ADGRG6: variants seen among roughly 807,000 people sequenced by gnomAD.
ADGRG6 encodes the protein adhesion G protein-coupled receptor G6, also known as G-protein coupled receptor 126.
In ADGRG6, 84 loss-of-function variants were observed where a neutral mutation model predicts 142.4. The ratio of observed to expected loss-of-function variants is 0.59; its 90% CI spans 0.49 to 0.71. The LOEUF (loss-of-function observed/expected upper bound fraction) is 0.71. Ranked by LOEUF, ADGRG6 falls within the 30% of genes least tolerant of loss-of-function variation. ADGRG6 has a pLI of 0.00. For missense variants in ADGRG6, 1,367 were observed against 1,466.6 expected, an observed-to-expected ratio of 0.93 and a Z score of 1.11; for synonymous variants, 521 against 520.5, an observed-to-expected ratio of 1.00 and a Z score of -0.01.
intron 14 of ADGRG6, among the ~76,000 whole-genome samples, chr6:142,404,832 T>G (rs1775715287): frequency 6.6e-6 from 1 of 152,122 alleles, no homozygotes; most frequent in African/African-American, 2.4e-5. Context: ...TGTAGAAGTC[T>G]GGGATAGCAG....
intron 2 of ADGRG6, among the ~76,000 whole-genome samples, chr6:142,363,860 T>A (rs1195680934): frequency 6.6e-6 from 1 of 152,208 alleles, no homozygotes; most frequent in Non-Finnish European, 1.5e-5. Flanking sequence ...ATACTCTTTA[T>A]TAAAATGTTT....
At chr6:142,341,522 T>TTATATAGTATATATAGTATATAA in intron 2 of ADGRG6, among the ~76,000 whole-genome samples, 1 of 118,178 alleles carries the variant, frequency 8.5e-6, no homozygotes, top group Non-Finnish European at 1.7e-5. Flanking sequence ...CTACATAATA[T>TTATATAGTATATATAGTATATAA]TATATAGTAT....
intron 1 of ADGRG6, among the ~76,000 whole-genome samples, chr6:142,306,843 TC>T (rs1343361127): frequency 1.3e-5 from 2 of 152,158 alleles, no homozygotes; most frequent in African/African-American, 4.8e-5. Flanking sequence ...TCTGTTCTAT[TC>T]TTAATTTATT....
In ADGRG6 at chr6:142,402,643, CA is replaced by C; in HGVS notation, c.1769del (p.Gln590ArgfsTer3). On this transcript the variant is annotated frameshift_variant, in exon 13 of 25. Coordinates refer to ENST00000367609, the MANE Select transcript of ADGRG6 (RefSeq NM_198569.3). LOFTEE classifies it high-confidence loss of function. Reference protein sequence around the residue: ...CLKEANEVANQILNLTADGQN... With the variant: ...CLKEANEVANXILNLTADGQN... The stretch of plus-strand genomic sequence containing the variant: ...AGAAGAAGCAAATGAAGTTGCTAAC[CA>C]GATTTTAAATTTAACTGCTGATGGG... The C allele has an allele frequency of 6.3e-7, 1 of 1,597,758 alleles. No individual in the cohort carries two copies. The highest frequency in any genetic ancestry group is 1.7e-5 in the Admixed American group (1 of 58,750).
chr6:142,388,992 C>T (rs1459158297), intron 6 of ADGRG6, among the ~76,000 whole-genome samples: 1 of 151,902 alleles, frequency 6.6e-6, no homozygotes, highest in Non-Finnish European at 1.5e-5. Context: ...ATTTTTCATT[C>T]AGAACATTTT....
At chr6:142,432,718 A>T (rs914209621) in intron 22 of ADGRG6, among the ~76,000 whole-genome samples, 1 of 152,176 alleles carries the variant, frequency 6.6e-6, no homozygotes, top group Admixed American at 6.5e-5. Flanking sequence ...CTTATCTTTA[A>T]CTTTATCCTC....
intron 4 of ADGRG6, among the ~76,000 whole-genome samples, chr6:142,372,721 A>G (rs1194171455): frequency 6.6e-6 from 1 of 152,194 alleles, no homozygotes; most frequent in African/African-American, 2.4e-5. Context: ...GTCTTTTATC[A>G]GAGAAGAAAT....
chr6:142,387,527 G>A (rs73580445), intron 6 of ADGRG6, among the ~76,000 whole-genome samples: 10,640 of 152,244 alleles, frequency 0.07, 903 homozygotes, highest in African/African-American at 0.2. Context: ...TATTGTAAAT[G>A]CCACTGTCGT....
chr6:142,361,935 G>C (rs1238444944), intron 2 of ADGRG6, among the ~76,000 whole-genome samples: 3 of 152,042 alleles, frequency 2.0e-5, no homozygotes. Context: ...CCTCTTGCAA[G>C]TGATGTATAT....
chr6:142,350,856 A>G (rs750743824), intron 2 of ADGRG6, among the ~76,000 whole-genome samples: 1 of 152,162 alleles, frequency 6.6e-6, no homozygotes, highest in East Asian at 1.9e-4. Flanking sequence ...TACCAACATC[A>G]TTTTTTCACA....
intron 2 of ADGRG6, among the ~76,000 whole-genome samples, chr6:142,340,358 A>T (rs189223710): frequency 4.1e-4 from 62 of 152,050 alleles, no homozygotes; most frequent in African/African-American, 1.5e-3. Flanking sequence ...ATTATTCAAG[A>T]CTTATTATTC....
intron 5 of ADGRG6, among the ~76,000 whole-genome samples, chr6:142,382,919 T>C (rs1781838323): frequency 1.3e-5 from 2 of 152,046 alleles, no homozygotes; most frequent in Non-Finnish European, 2.9e-5. Context: ...GGTAACTCAT[T>C]ATTATCTTTT....
At chr6:142,391,127 A>G (rs1774874257) in intron 7 of ADGRG6, among the ~76,000 whole-genome samples, 1 of 151,660 alleles carries the variant, frequency 6.6e-6, no homozygotes, top group Admixed American at 6.6e-5. Flanking sequence ...AAAATTTAAC[A>G]TTTTATTTTC....
At chr6:142,330,434 G>A (rs1778996058) in intron 2 of ADGRG6, among the ~76,000 whole-genome samples, 1 of 152,116 alleles carries the variant, frequency 6.6e-6, no homozygotes. Context: ...GCTCATGCAA[G>A]CCGGAAAGAT....
intron 5 of ADGRG6, 72 bp downstream of exon 5, chr6:142,382,091 T>A: frequency 1.2e-6 from 1 of 856,300 alleles, no homozygotes; most frequent in Non-Finnish European, 1.9e-6. Context: ...TGGTTGTCAT[T>A]GTTTTGATTT....
At chr6:142,338,104 T>C (rs928707069) in intron 2 of ADGRG6, among the ~76,000 whole-genome samples, 4 of 137,480 alleles carry the variant, frequency 2.9e-5, no homozygotes, top group Non-Finnish European at 4.6e-5. Flanking sequence ...CACTGCAAGC[T>C]CTGCCTCCCG....
chr6:142,322,315 C>G (rs1201256871), intron 2 of ADGRG6, among the ~76,000 whole-genome samples: 1 of 151,992 alleles, frequency 6.6e-6, no homozygotes, highest in Non-Finnish European at 1.5e-5. Flanking sequence ...TGGGAGAATT[C>G]CTTGAGCTGG....
At chr6:142,431,961 A>C (rs1228812222) in intron 22 of ADGRG6, among the ~76,000 whole-genome samples, 5 of 152,258 alleles carry the variant, frequency 3.3e-5, no homozygotes, top group Admixed American at 2.0e-4. Flanking sequence ...ATGAGAAATC[A>C]AACAGATTTT....
At chr6:142,429,215 A>C (rs897679149) in intron 22 of ADGRG6, among the ~76,000 whole-genome samples, 4 of 152,212 alleles carry the variant, frequency 2.6e-5, no homozygotes, top group African/African-American at 9.6e-5. Context: ...TTGGTAAACT[A>C]AGAAAATTAA....
Sources: allele counts gnomAD v4.1 joint callset (sites outside exome capture counted in the v4.1 genomes callset), GRCh38; gene constraint gnomAD v4.1.1; transcripts MANE v1.5; gene names NCBI Gene and HGNC (gene_info 2026-07-23, HGNC 2026-07-21).